KCNH8: variants seen among roughly 807,000 people sequenced by gnomAD.
The protein encoded by KCNH8 is potassium voltage-gated channel subfamily H member 8.
A neutral mutation model predicts 103.6 loss-of-function variants in KCNH8; 70 were observed. That is an observed-to-expected ratio of 0.68 (90% CI 0.56 to 0.82). The LOEUF (loss-of-function observed/expected upper bound fraction) is 0.82, where lower values mean the gene tolerates loss of function less well. KCNH8 is among the 40% of genes least tolerant of loss of function. The pLI is 0.00. For missense variants in KCNH8, 1,217 were observed against 1,329.9 expected (o/e 0.92, Z 1.32); for synonymous variants, 498 against 489.4 (o/e 1.02, Z -0.23).
intron 3 of KCNH8, among the ~76,000 whole-genome samples, chr3:19,324,120 A>G (rs973443040): frequency 3.3e-5 from 5 of 152,104 alleles, no homozygotes; most frequent in South Asian, 2.1e-4. Context: ...AGGCCATCCA[A>G]TGGGGCAGGG....
intron 1 of KCNH8, among the ~76,000 whole-genome samples, chr3:19,178,642 A>T (rs573984570): frequency 6.6e-6 from 1 of 152,130 alleles, no homozygotes; most frequent in Non-Finnish European, 1.5e-5. Flanking sequence ...CTAGAAAGGG[A>T]GTGTGGTCCT....
At chr3:19,189,890 AC>A (rs1207020549) in intron 1 of KCNH8, among the ~76,000 whole-genome samples, 11 of 152,170 alleles carry the variant, frequency 7.2e-5, no homozygotes, top group Admixed American at 5.9e-4. Flanking sequence ...AACTGACGCT[AC>A]TTAGATAGAT....
At chr3:19,231,655 T>C (rs76090480) in intron 1 of KCNH8, among the ~76,000 whole-genome samples, 3,378 of 152,258 alleles carry the variant, frequency 0.022, 138 homozygotes, top group African/African-American at 0.075. Context: ...GCCTACAAGA[T>C]CATATCTGTT....
At chr3:19,167,133 A>G (rs2063293185) in intron 1 of KCNH8, among the ~76,000 whole-genome samples, 1 of 152,212 alleles carries the variant, frequency 6.6e-6, no homozygotes, top group Admixed American at 6.5e-5. Context: ...AATTCTACAG[A>G]TGAGGAAATT....
rs556914132 is a variant in KCNH8 at position 19,390,177 on chromosome 3, C to T, written c.812-304C>T. Among the ~76,000 whole-genome samples the T allele has an allele frequency of 1.9e-4, 29 of 152,160 alleles. No individual in the cohort carries two copies. The East Asian group carries it at 2.9e-3, about 15-fold the overall frequency. On this transcript the variant is annotated intron_variant, in intron 5 of 15. Transcript: ENST00000328405. ...CGATTATTTATTTTAATAATCTTAACATGTAGCTTCATGTCTGGAACATTA... is the reference window on the plus strand; with the variant it reads ...CGATTATTTATTTTAATAATCTTAATATGTAGCTTCATGTCTGGAACATTA...
intron 1 of KCNH8, among the ~76,000 whole-genome samples, chr3:19,170,675 CACACACACATATAT>C (rs1275623703): frequency 2.1e-5 from 3 of 141,084 alleles, no homozygotes; most frequent in African/African-American, 8.4e-5. Context: ...CATATATATA[CACACACACATATAT>C]ACACACATAT....
intron 1 of KCNH8, among the ~76,000 whole-genome samples, chr3:19,205,900 G>T (rs1021419762): frequency 5.3e-5 from 8 of 151,686 alleles, no homozygotes; most frequent in African/African-American, 1.9e-4. Flanking sequence ...GAGATTTTTA[G>T]TGCACCCATT....
intron 1 of KCNH8, among the ~76,000 whole-genome samples, chr3:19,180,688 T>C (rs1294284961): frequency 6.6e-6 from 1 of 152,090 alleles, no homozygotes; most frequent in Non-Finnish European, 1.5e-5. Context: ...TTTTTTTGTT[T>C]GTTTGTTTTT....
intron 2 of KCNH8, among the ~76,000 whole-genome samples, chr3:19,276,114 A>C (rs762739002): frequency 9.9e-5 from 15 of 151,778 alleles, no homozygotes; most frequent in South Asian, 2.1e-4. Flanking sequence ...CCCAGCCACA[A>C]TTCATAGCAG....
chr3:19,294,780 A>C (rs940228713), intron 3 of KCNH8, among the ~76,000 whole-genome samples: 6 of 152,162 alleles, frequency 3.9e-5, no homozygotes, highest in African/African-American at 1.4e-4. Flanking sequence ...ATGTTGCCAT[A>C]GGCTGTGGTA....
At chr3:19,362,735 C>T (rs192397754) in intron 5 of KCNH8, among the ~76,000 whole-genome samples, 1 of 152,284 alleles carries the variant, frequency 6.6e-6, no homozygotes, top group Admixed American at 6.5e-5. Flanking sequence ...ACAATCACAG[C>T]TCACTGCAGC....
chr3:19,337,509 A>G (rs1233242679), intron 3 of KCNH8, among the ~76,000 whole-genome samples: 1 of 151,970 alleles, frequency 6.6e-6, no homozygotes, highest in African/African-American at 2.4e-5. Flanking sequence ...TTACTCATTT[A>G]CCTTCATTGA....
intron 15 of KCNH8, among the ~76,000 whole-genome samples, chr3:19,530,882 A>T (rs1282243466): frequency 6.6e-6 from 1 of 152,194 alleles, no homozygotes; most frequent in Non-Finnish European, 1.5e-5. Flanking sequence ...TGACCTTAAA[A>T]ATGTCCTTTC....
Position 19,347,774 on chromosome 3 carries a change from C to T in KCNH8, c.620C>T (p.Ala207Val), listed in dbSNP as rs373138486. Residue 207 changes from alanine to valine, a missense_variant, in exon 5 of 16, where the codon GCA (alanine) becomes GTA (valine). By Grantham distance (64) the Ala-to-Val change is moderately conservative. Transcript: ENST00000328405. ...TTTCCGGAGTATAAAGTTTCTGATG[C>T]AAAAAAGTCCAAATTCATACTTCTG... is the stretch of plus-strand genomic sequence containing the variant. ...PAFPEYKVSDAKKSKFILLHF... is the reference protein window; with the variant it reads ...PAFPEYKVSDVKKSKFILLHF... The T allele has an allele frequency of 5.6e-6, 9 of 1,612,946 alleles. No individual in the cohort carries two copies. Among genetic ancestry groups the T allele is most frequent in the Non-Finnish European group, 7.6e-6 (9 of 1,179,350 alleles).
chr3:19,471,370 G>C (rs1193645038), intron 11 of KCNH8, among the ~76,000 whole-genome samples: 1 of 152,128 alleles, frequency 6.6e-6, no homozygotes, highest in East Asian at 1.9e-4. Context: ...GCAGGAAGAG[G>C]GGGATGTGGA....
intron 1 of KCNH8, among the ~76,000 whole-genome samples, chr3:19,239,118 A>T (rs2064102057): frequency 6.6e-6 from 1 of 152,180 alleles, no homozygotes; most frequent in East Asian, 1.9e-4. Context: ...CCTAAAATAC[A>T]AGAGAACCCA....
chr3:19,280,045 C>G (rs1223581062), intron 2 of KCNH8, among the ~76,000 whole-genome samples: 1 of 151,990 alleles, frequency 6.6e-6, no homozygotes, highest in Non-Finnish European at 1.5e-5. Flanking sequence ...AGTTTTTAAG[C>G]AACAACAACT....
In KCNH8 at chr3:19,148,599, C is replaced by T. The variant is rs779679664; in HGVS notation, c.-121C>T. ...TTCCACTTCCCCTGCTCGGCCCCGC[C>T]GTCAGGCCGGGTCCCCCTTCCCTGC... On this transcript the variant is annotated 5_prime_UTR_variant, in exon 1 of 16. Transcript: ENST00000328405. The T allele has an allele frequency of 1.1e-6, 1 of 921,456 alleles. No homozygotes were observed. The highest frequency in any genetic ancestry group is 1.6e-5 in the African/African-American group (1 of 62,048). The allele number at this position is 921,456 out of a possible 1,614,324, so 57.1% of individuals were successfully genotyped here. A position where few individuals can be genotyped will look rare whatever the true frequency, so the allele number is the denominator to read the frequency against.
chr3:19,456,262 T>C (rs959814685), intron 10 of KCNH8, among the ~76,000 whole-genome samples: 6 of 152,090 alleles, frequency 3.9e-5, no homozygotes, highest in African/African-American at 1.4e-4. Context: ...TTGACATACA[T>C]ATTTATGAAA....
Sources: gnomAD v4.1 joint callset for allele counts (sites outside exome capture counted in the v4.1 genomes callset) on GRCh38, gnomAD v4.1.1 for gene constraint, MANE v1.5 for transcripts, NCBI Gene and HGNC (gene_info 2026-07-23, HGNC 2026-07-21) for gene names.